Variants in TBC1D1 observed in about 807,000 individuals in gnomAD.
The protein encoded by TBC1D1 is TBC1 domain family member 1.
A neutral mutation model predicts 125.6 loss-of-function variants in TBC1D1; 89 were observed. The observed-to-expected ratio is 0.71, with a 90% confidence interval of 0.60 to 0.85. The LOEUF (loss-of-function observed/expected upper bound fraction) is 0.85. Ranked by LOEUF, TBC1D1 falls within the 40% of genes least tolerant of loss-of-function variation. The pLI is 0.00. For missense variants in TBC1D1, 1,377 were observed against 1,469.2 expected (o/e 0.94, Z 1.03); for synonymous variants, 565 against 564.1 (o/e 1.00, Z -0.02).
chr4:38,064,767 G>T (rs1455875473), intron 12 of TBC1D1, among the ~76,000 whole-genome samples: 1 of 151,832 alleles, frequency 6.6e-6, no homozygotes, highest in African/African-American at 2.4e-5. Flanking sequence ...GGGACTACAG[G>T]CGTGCGCTGC....
At chr4:38,066,618 C>T (rs1753770766) in intron 12 of TBC1D1, among the ~76,000 whole-genome samples, 1 of 152,142 alleles carries the variant, frequency 6.6e-6, no homozygotes, top group Non-Finnish European at 1.5e-5. Context: ...CAGGTTGTGC[C>T]ACTGCGCCAG....
chr4:38,112,963 A>G (rs1339234336), intron 15 of TBC1D1, among the ~76,000 whole-genome samples: 1 of 152,112 alleles, frequency 6.6e-6, no homozygotes, highest in Admixed American at 6.5e-5. Flanking sequence ...TGTGGTTCCT[A>G]TTGCCTGTCA....
At chr4:38,043,201 C>T (rs898930965) in intron 8 of TBC1D1, among the ~76,000 whole-genome samples, 14 of 151,776 alleles carry the variant, frequency 9.2e-5, no homozygotes, top group African/African-American at 2.7e-4. Flanking sequence ...TGCGCCTGGC[C>T]GTTTTTTTTT....
chr4:38,020,625 G>A lies in TBC1D1; in HGVS notation c.1007G>A (p.Cys336Tyr). ...CACGTGGACCACTTTGGGTTTATCT[G>A]TCGGGAGTCTTCCGGAGGTGGCGGC... The change falls in exon 5 of 20, where the codon TGT becomes TAT. Residue 336 changes from cysteine (C) to tyrosine (Y), a missense_variant. By Grantham distance (194) the Cys-to-Tyr change is radical. This residue lies in a region of TBC1D1 where 822 missense variants were observed against 824.6 expected (regional missense o/e 1.00). Transcript: ENST00000261439. 1.2e-6 allele frequency: 2 copies of A among 1,613,266 alleles called. No individual in the cohort carries two copies. The highest frequency in any genetic ancestry group is 1.7e-6 in the Non-Finnish European group (2 of 1,179,448).
At chr4:38,065,940 A>G (rs1753655936) in intron 12 of TBC1D1, among the ~76,000 whole-genome samples, 1 of 152,164 alleles carries the variant, frequency 6.6e-6, no homozygotes, top group African/African-American at 2.4e-5. Context: ...GTGGGTCACC[A>G]CAACTGGACT....
At chr4:38,008,537 A>G (rs572788794) in intron 2 of TBC1D1, among the ~76,000 whole-genome samples, 60 of 152,350 alleles carry the variant, frequency 3.9e-4, no homozygotes, top group Middle Eastern at 6.8e-3. Context: ...ACATGGGATG[A>G]AAGATCAAGA....
At chr4:37,912,954 A>G (rs369270369) in intron 2 of TBC1D1, among the ~76,000 whole-genome samples, 1 of 152,222 alleles carries the variant, frequency 6.6e-6, no homozygotes, top group African/African-American at 2.4e-5. Context: ...GAAATGGATT[A>G]ATTTATTTGG....
chr4:38,115,524 A>C (rs1762843628), intron 15 of TBC1D1, among the ~76,000 whole-genome samples, 186 bp from the exon 18 acceptor site: 1 of 152,222 alleles, frequency 6.6e-6, no homozygotes, highest in Non-Finnish European at 1.5e-5. Flanking sequence ...CTGATTTTTA[A>C]TTGAAAGCAT....
chr4:37,975,085 G>A (rs898442860), intron 2 of TBC1D1, among the ~76,000 whole-genome samples: 3 of 152,142 alleles, frequency 2.0e-5, no homozygotes, highest in African/African-American at 4.8e-5. Flanking sequence ...TGTGGAGACC[G>A]GTAGTGGTCC....
intron 8 of TBC1D1, among the ~76,000 whole-genome samples, chr4:38,039,054 CTTAGA>C (rs1478942752): frequency 6.9e-6 from 1 of 144,822 alleles, no homozygotes; most frequent in African/African-American, 2.5e-5. Flanking sequence ...TTTTTTTCAC[CTTAGA>C]TTAGTTTTGC....
rs982602890 is a variant in TBC1D1, at chr4:37,960,924, C to A, written c.418-53585C>A. The A allele has an allele frequency of 5.6e-6, 9 of 1,614,006 alleles. No homozygotes were observed. In the African/African-American group the frequency reaches 1.2e-4, roughly 22 times the overall value. ...TGAAAAGCTGTTTCAGCTGGGCCCCCCTTCACCTGTGAAAATGCCCTCTCC... is the reference window on the plus strand; with the variant it reads ...TGAAAAGCTGTTTCAGCTGGGCCCCACTTCACCTGTGAAAATGCCCTCTCC... On this transcript the variant is annotated intron_variant, in intron 2 of 19. Coordinates refer to ENST00000261439, the MANE Select transcript of TBC1D1 (RefSeq NM_015173.4).
rs1484366751 is a variant in TBC1D1, at chr4:38,073,132, A to G, written c.2051-16800A>G. Among the ~76,000 whole-genome samples the G allele has an allele frequency of 2.6e-5, 4 of 152,344 alleles. No individual in the cohort carries two copies. In the East Asian group the frequency reaches 7.7e-4, roughly 29 times the overall value. ...GATCCTGCTTTCAGTTCTTTCGGAT[A>G]TGTACCCAGAAGTGGGTTTGCTGGA... is the stretch of plus-strand genomic sequence containing the variant. On this transcript the variant is annotated intron_variant, in intron 12 of 19. Coordinates refer to ENST00000261439, the MANE Select transcript of TBC1D1 (RefSeq NM_015173.4).
intron 2 of TBC1D1, among the ~76,000 whole-genome samples, chr4:37,928,034 G>A (rs1179116017): frequency 2.6e-5 from 4 of 152,194 alleles, no homozygotes; most frequent in African/African-American, 9.6e-5. Context: ...TTACCTACTA[G>A]CTTAAGGTCC....
chr4:38,086,310 C>T (rs1757476926), intron 12 of TBC1D1, among the ~76,000 whole-genome samples: 1 of 152,070 alleles, frequency 6.6e-6, no homozygotes, highest in East Asian at 1.9e-4. Context: ...CCTCCTGACC[C>T]CTAGGGGATA....
intron 14 of TBC1D1, 127 bp downstream of exon 16, chr4:38,096,217 C>A: frequency 1.4e-6 from 1 of 726,280 alleles, no homozygotes. Flanking sequence ...ACATCTTAAT[C>A]TATTTCCATA....
chr4:38,075,323 C>A (rs1055981592), intron 12 of TBC1D1, among the ~76,000 whole-genome samples: 17 of 152,122 alleles, frequency 1.1e-4, no homozygotes, highest in African/African-American at 3.4e-4. Context: ...AACATTGAAG[C>A]CTGAAACTTA....
Position 38,021,632 on chromosome 4 carries a change from C to T in TBC1D1, c.1124C>T (p.Ala375Val). 1 of 1,592,328 alleles carries T rather than the reference C, an allele frequency of 6.3e-7. No individual in the cohort carries two copies. The highest frequency in any genetic ancestry group is 8.5e-7 in the Non-Finnish European group (1 of 1,170,380). ...CTGAAACAGGCCTTCACGGTGGCCG[C>T]AGTGCAGCAGACAGCTAAGGCGCCA... The change falls in exon 6 of 20, where the codon GCA (alanine) becomes GTA (valine). Residue 375 changes from alanine to valine, a missense_variant. Physicochemically the swap from Ala to Val is moderately conservative, Grantham distance 64 (BLOSUM62 0). Around this residue, in one of 3 missense-constraint regions of TBC1D1, gnomAD observed 822 missense variants for 824.6 expected, o/e 1.00. Coordinates refer to ENST00000261439, the MANE Select transcript of TBC1D1 (RefSeq NM_015173.4).
chr4:37,960,768 C>G, intron 2 of TBC1D1: 3 of 1,614,112 alleles, frequency 1.9e-6, no homozygotes, highest in Non-Finnish European at 2.5e-6. Context: ...TGACGCCTAT[C>G]CAGAAATAGA....
chr4:38,134,413 T>TAAGATA (rs77009077), intron 19 of TBC1D1, among the ~76,000 whole-genome samples: 141,921 of 151,898 alleles, frequency 0.93, 66,386 homozygotes, highest in Middle Eastern at 0.96. Context: ...TTTTTTCCCC[T>TAAGATA]GAGATGTCCT....
Sources: allele counts gnomAD v4.1 joint callset (sites outside exome capture counted in the v4.1 genomes callset), GRCh38; gene constraint gnomAD v4.1.1; regional missense constraint gnomAD v4.1.1; transcripts MANE v1.5; gene names NCBI Gene and HGNC (gene_info 2026-07-23, HGNC 2026-07-21).